PTPRR: variants seen among roughly 807,000 people sequenced by gnomAD.
The protein encoded by PTPRR is receptor-type tyrosine-protein phosphatase R.
Under a neutral mutation model 77.2 loss-of-function variants are expected in PTPRR, and 38 were observed. That is an observed-to-expected ratio of 0.49 (90% CI 0.38 to 0.65). The LOEUF is 0.65. Ranked by LOEUF, PTPRR falls within the 30% of genes least tolerant of loss-of-function variation. The probability of loss-of-function intolerance (pLI) is 0.00; values close to 1 mark genes in which losing one functional copy is unlikely to be tolerated. For missense variants in PTPRR, 744 were observed against 799.2 expected (o/e 0.93, Z 0.83); for synonymous variants, 299 against 283.1 (o/e 1.06, Z -0.57).
intron 2 of PTPRR, among the ~76,000 whole-genome samples, chr12:70,881,696 T>A (rs995951136): frequency 6.6e-6 from 1 of 152,206 alleles, no homozygotes; most frequent in African/African-American, 2.4e-5. Flanking sequence ...TGGATTATAT[T>A]TTCATCCTTC....
intron 2 of PTPRR, among the ~76,000 whole-genome samples, chr12:70,767,321 T>C (rs938678354): frequency 1.3e-5 from 2 of 151,056 alleles, no homozygotes; most frequent in African/African-American, 4.9e-5. Context: ...TGGAGGAAGA[T>C]CTACCAAGAA....
intron 6 of PTPRR, among the ~76,000 whole-genome samples, chr12:70,711,033 G>A (rs1423247391): frequency 6.6e-6 from 1 of 152,034 alleles, no homozygotes; most frequent in Non-Finnish European, 1.5e-5. Flanking sequence ...ATTCGACCCA[G>A]CAATCCCATA....
intron 5 of PTPRR, among the ~76,000 whole-genome samples, chr12:70,749,123 A>G (rs1890308223): frequency 6.6e-6 from 1 of 152,190 alleles, no homozygotes; most frequent in South Asian, 2.1e-4. Flanking sequence ...GGCCAGAAAT[A>G]TATGTTCACA....
chr12:70,664,789 A>G (rs888520889), intron 10 of PTPRR: 10 of 152,104 alleles, frequency 6.6e-5, no homozygotes, highest in Admixed American at 2.6e-4. Context: ...CATTCAAACA[A>G]CCCTTAATTA....
chr12:70,764,008 CTTT>C (rs1249116948), intron 3 of PTPRR, among the ~76,000 whole-genome samples: 20 of 132,140 alleles, frequency 1.5e-4, no homozygotes, highest in Admixed American at 2.3e-4. Flanking sequence ...TTTGGGTTTA[CTTT>C]TTTTTTTTTT....
intron 2 of PTPRR, among the ~76,000 whole-genome samples, chr12:70,765,192 C>T (rs548414019): frequency 1.4e-4 from 22 of 152,152 alleles, no homozygotes; most frequent in South Asian, 4.2e-4. Flanking sequence ...GTGCACGAGC[C>T]GAAGCAGGGT....
At chr12:70,691,576 C>T (rs149519399) in intron 8 of PTPRR, among the ~76,000 whole-genome samples, 1 of 152,150 alleles carries the variant, frequency 6.6e-6, no homozygotes. Context: ...ATTTATAGTC[C>T]AGCTTTTTCT....
chr12:70,672,618 G>A, intron 10 of PTPRR: 1 of 1,498,332 alleles, frequency 6.7e-7, no homozygotes, highest in South Asian at 1.1e-5. Context: ...ACATCTTAAA[G>A]ACCTGCTGCC....
chr12:70,778,645 G>C (rs1364287182), intron 2 of PTPRR, among the ~76,000 whole-genome samples: 1 of 151,826 alleles, frequency 6.6e-6, no homozygotes, highest in Non-Finnish European at 1.5e-5. Context: ...TTTTTCAGCA[G>C]AATCTTTTCT....
chr12:70,869,058 T>A, intron 2 of PTPRR, among the ~76,000 whole-genome samples: 1 of 135,570 alleles, frequency 7.4e-6, no homozygotes, highest in South Asian at 2.8e-4. Context: ...GGGGGAGGGA[T>A]AGCATTAGGA....
chr12:70,833,451 G>T (rs1350901644), intron 2 of PTPRR, among the ~76,000 whole-genome samples: 24 of 152,154 alleles, frequency 1.6e-4, no homozygotes, highest in Non-Finnish European at 1.5e-5. Context: ...CTGGAGAAAA[G>T]TTGCTGGAAG....
intron 5 of PTPRR, among the ~76,000 whole-genome samples, chr12:70,752,630 C>T (rs1890439136): frequency 6.6e-6 from 1 of 152,194 alleles, no homozygotes. Context: ...CACTTCCCTT[C>T]TTCTATCCTT....
Position 70,811,561 on chromosome 12 carries a change from A to G in PTPRR, c.358-46783T>C, listed in dbSNP as rs147192531. Among the ~76,000 whole-genome samples, 653 of 152,342 alleles carry G rather than the reference A, an allele frequency of 4.3e-3. 3 individuals are homozygous for G. Among genetic ancestry groups the G allele is most frequent in the Admixed American group, 7.9e-3 (121 of 15,302 alleles). On this transcript the variant is annotated intron_variant, in intron 2 of 13. Transcript: ENST00000283228. ...CAAAACACAGCAGAAACCTTAGACCATCAACTCAGGCAACGCTGGTCTCCA... is the reference window on the plus strand; with the variant it reads ...CAAAACACAGCAGAAACCTTAGACCGTCAACTCAGGCAACGCTGGTCTCCA...
Position 70,764,709 on chromosome 12 carries a change from C to G in PTPRR, c.427G>C (p.Ala143Pro). ...LRIFRQGVAA[A>P]LGLLPQQVHI... ...ACTTGCTGGGGTAAGAGTCCTAAAG[C>G]TGCAGCCACTCCTTGGCGGAAGATC... The change falls in exon 3 of 14, where the codon GCT (alanine) becomes CCT (proline). Residue 143 changes from alanine to proline, a missense_variant. Coordinates refer to ENST00000283228, the MANE Select transcript of PTPRR (RefSeq NM_002849.4). 6.2e-7 allele frequency: 1 copy of G among 1,614,112 alleles called. No individual in the cohort carries two copies. Among genetic ancestry groups the G allele is most frequent in the Non-Finnish European group, 8.5e-7 (1 of 1,179,992 alleles).
At chr12:70,717,887 GA>G (rs199757810) in intron 6 of PTPRR, among the ~76,000 whole-genome samples, 1 of 151,156 alleles carries the variant, frequency 6.6e-6, no homozygotes, top group African/African-American at 2.4e-5. Flanking sequence ...GATTCCAAAG[GA>G]AAAAAAATAG....
At chr12:70,868,276 G>T (rs1418366177) in intron 2 of PTPRR, among the ~76,000 whole-genome samples, 1 of 151,308 alleles carries the variant, frequency 6.6e-6, no homozygotes, top group African/African-American at 2.4e-5. Flanking sequence ...AAAAATTTTC[G>T]CAACCTACTC....
chr12:70,814,909 C>A (rs1388334407), intron 2 of PTPRR, among the ~76,000 whole-genome samples: 1 of 152,022 alleles, frequency 6.6e-6, no homozygotes, highest in Non-Finnish European at 1.5e-5. Context: ...CAACAAGGTA[C>A]AATTCCCAAT....
intron 6 of PTPRR, among the ~76,000 whole-genome samples, chr12:70,736,791 G>A (rs1186356620): frequency 2.0e-5 from 3 of 152,210 alleles, no homozygotes; most frequent in Non-Finnish European, 1.5e-5. Flanking sequence ...TTGATAGACT[G>A]TGTTCAATGG....
At chr12:70,821,368 G>A (rs1472046354) in intron 2 of PTPRR, among the ~76,000 whole-genome samples, 1 of 151,214 alleles carries the variant, frequency 6.6e-6, no homozygotes, top group Non-Finnish European at 1.5e-5. Flanking sequence ...GGGATTACAG[G>A]CACACACCAC....
Sources: allele counts gnomAD v4.1 joint callset (sites outside exome capture counted in the v4.1 genomes callset), GRCh38; gene constraint gnomAD v4.1.1; transcripts MANE v1.5; gene names NCBI Gene and HGNC (gene_info 2026-07-23, HGNC 2026-07-21).